Variants in SNAP91 observed in about 807,000 individuals in gnomAD.
The protein encoded by SNAP91 is synaptosome associated protein 91.
Under a neutral mutation model 100.3 loss-of-function variants are expected in SNAP91, and 27 were observed. The observed-to-expected ratio is 0.27, with a 90% confidence interval of 0.20 to 0.37. The LOEUF (loss-of-function observed/expected upper bound fraction) is 0.37, where lower values mean the gene tolerates loss of function less well. Among genes scored for constraint, SNAP91 ranks in the 10% least tolerant of loss-of-function variants. SNAP91 has a pLI of 1.00. For synonymous variants in SNAP91, 404 were observed against 398.6 expected, an observed-to-expected ratio of 1.01 and a Z score of -0.16; for missense variants, 986 against 1,123.7, an observed-to-expected ratio of 0.88 and a Z score of 1.75.
At chr6:83,699,207 T>C (rs1035740494) in intron 2 of SNAP91, among the ~76,000 whole-genome samples, 1 of 152,148 alleles carries the variant, frequency 6.6e-6, no homozygotes, top group African/African-American at 2.4e-5. Flanking sequence ...GGAATCATGA[T>C]TGAACATCAG....
chr6:83,662,090 T>TA (rs2098553899), intron 4 of SNAP91, among the ~76,000 whole-genome samples: 1 of 152,090 alleles, frequency 6.6e-6, no homozygotes, highest in South Asian at 2.1e-4. Flanking sequence ...TGTACCTTCA[T>TA]AAAAAACAAC....
At chr6:83,577,214 G>A (rs937189978) in intron 24 of SNAP91, among the ~76,000 whole-genome samples, 9 of 152,056 alleles carry the variant, frequency 5.9e-5, no homozygotes, top group Non-Finnish European at 1.2e-4. Flanking sequence ...CAGGACAACA[G>A]CCCTAATCAG....
In SNAP91 at chr6:83,587,220, C is replaced by A. The variant is rs572911764; in HGVS notation, c.2014+3991G>T. On this transcript the variant is annotated intron_variant, in intron 22 of 29. Coordinates refer to ENST00000369694, the MANE Select transcript of SNAP91 (RefSeq NM_001242792.2). Reference sequence around the variant, plus strand: ...ATTTAATTATATCATATATTTATTGCCTTATCTTTATGATTCACATGTAAA... The same window carrying A: ...ATTTAATTATATCATATATTTATTGACTTATCTTTATGATTCACATGTAAA... Among the ~76,000 whole-genome samples, 7 of 152,012 alleles carry A rather than the reference C, an allele frequency of 4.6e-5. No homozygotes were observed. The South Asian group carries it at 6.2e-4, about 14-fold the overall frequency.
intron 14 of SNAP91, among the ~76,000 whole-genome samples, chr6:83,603,594 A>G (rs2095423926): frequency 6.6e-6 from 1 of 152,124 alleles, no homozygotes; most frequent in Non-Finnish European, 1.5e-5. Flanking sequence ...TTTGAAAATA[A>G]AATAAAAGCT....
rs1364682344 is a variant in SNAP91 at position 83,685,295 on chromosome 6, T to TG, written c.131-19715dup. 3.3e-5 allele frequency among the ~76,000 whole-genome samples: 5 copies of TG among 152,220 alleles called. No homozygotes were observed. In the East Asian group the frequency reaches 7.7e-4, roughly 24 times the overall value. ...CAGGGGTCCAGGCCTCCTTCCATAATGGAAAAAATCCTGCTTCTGGCAAAA... is the reference window on the plus strand; with the variant it reads ...CAGGGGTCCAGGCCTCCTTCCATAATGGGAAAAAATCCTGCTTCTGGCAAAA... On this transcript the variant is annotated intron_variant, in intron 2 of 29. Transcript: ENST00000369694.
intron 22 of SNAP91, among the ~76,000 whole-genome samples, chr6:83,586,476 A>T (rs534673020): frequency 2.0e-5 from 3 of 152,326 alleles, no homozygotes; most frequent in Admixed American, 2.0e-4. Context: ...TATGATGGAA[A>T]AACATGGTTG....
chr6:83,589,382 A>G (rs756267798), intron 22 of SNAP91, among the ~76,000 whole-genome samples: 5 of 152,226 alleles, frequency 3.3e-5, no homozygotes, highest in Non-Finnish European at 7.3e-5. Flanking sequence ...TAGTGAGAAT[A>G]TGATTTCCTT....
At chr6:83,647,568 T>A (rs1234086751) in intron 7 of SNAP91, among the ~76,000 whole-genome samples, 1 of 152,190 alleles carries the variant, frequency 6.6e-6, no homozygotes, top group Admixed American at 6.5e-5. Flanking sequence ...TTTTTATACA[T>A]TGTTGGATTT....
At chr6:83,666,746 T>A (rs1222661201) in intron 2 of SNAP91, among the ~76,000 whole-genome samples, 1 of 152,098 alleles carries the variant, frequency 6.6e-6, no homozygotes, top group African/African-American at 2.4e-5. Flanking sequence ...GATTTTAAAT[T>A]TCTGTCATCA....
chr6:83,571,665 A>G (rs1388267860), intron 26 of SNAP91, among the ~76,000 whole-genome samples: 1 of 152,174 alleles, frequency 6.6e-6, no homozygotes, highest in East Asian at 1.9e-4. Flanking sequence ...GTCTCAGATG[A>G]GACTCTGGAC....
chr6:83,630,802 A>G (rs944177634), intron 8 of SNAP91, among the ~76,000 whole-genome samples: 1 of 145,658 alleles, frequency 6.9e-6, no homozygotes, highest in African/African-American at 2.5e-5. Context: ...TTTTTGTTTC[A>G]TTTATCTTCT....
chr6:83,703,448 A>G (rs1250898498), intron 2 of SNAP91, among the ~76,000 whole-genome samples: 2 of 152,172 alleles, frequency 1.3e-5, no homozygotes, highest in Non-Finnish European at 2.9e-5. Context: ...TACTAAGCAC[A>G]TTTATGCAAA....
intron 28 of SNAP91, among the ~76,000 whole-genome samples, chr6:83,556,684 C>T (rs1315390899): frequency 6.6e-6 from 1 of 152,094 alleles, no homozygotes; most frequent in Non-Finnish European, 1.5e-5. Flanking sequence ...AACAAACAAC[C>T]GTTTTCTCTA....
chr6:83,674,812 TA>T (rs2098838017), intron 2 of SNAP91, among the ~76,000 whole-genome samples: 1 of 152,282 alleles, frequency 6.6e-6, no homozygotes, highest in Admixed American at 6.5e-5. Flanking sequence ...AACAATTTTA[TA>T]AAATATAAAT....
intron 2 of SNAP91, among the ~76,000 whole-genome samples, chr6:83,666,903 GTGTTCAGAATAGATGTATATT>G (rs1313832177): frequency 6.6e-6 from 1 of 151,964 alleles, no homozygotes; most frequent in Non-Finnish European, 1.5e-5. Flanking sequence ...TTCCTGCTGG[GTGTTCAGAATAGATGTATATT>G]TGTCATAATT....
chr6:83,611,519 A>G, intron 11 of SNAP91: 1 of 449,900 alleles, frequency 2.2e-6, no homozygotes, highest in South Asian at 1.6e-5. Flanking sequence ...GCCTATATTC[A>G]CCGCCTTACT....
chr6:83,643,040 GT>G (rs199794640), intron 7 of SNAP91, among the ~76,000 whole-genome samples: 4,114 of 152,126 alleles, frequency 0.027, 169 homozygotes, highest in African/African-American at 0.092. Flanking sequence ...TGGTGTTTTT[GT>G]TTTTTTCTTG....
At chr6:83,702,256 T>C (rs2129053522) in intron 2 of SNAP91, among the ~76,000 whole-genome samples, 1 of 152,284 alleles carries the variant, frequency 6.6e-6, no homozygotes, top group Non-Finnish European at 1.5e-5. Flanking sequence ...TCACTTAAAA[T>C]ACAACTCTGT....
In SNAP91 at chr6:83,607,740, C is replaced by A; in HGVS notation, c.981G>T (p.Pro327=). The A allele has an allele frequency of 6.3e-7, 1 of 1,594,336 alleles. No homozygotes were observed. Among genetic ancestry groups the A allele is most frequent in the East Asian group, 2.3e-5 (1 of 44,290 alleles). The change falls in exon 13 of 30, where the codon CCG becomes CCT. Residue 327 remains proline (P), a synonymous_variant. Coordinates refer to ENST00000369694, the MANE Select transcript of SNAP91 (RefSeq NM_001242792.2). The part of the protein sequence containing the change: ...TPAKTIDTSP[P]VDLFATASAA... ...CAGATGCAGTTGCAAATAAATCAAC[C>A]GGTGGGGATGTGTCAATAGTTTTAG...
Sources: allele counts gnomAD v4.1 joint callset (sites outside exome capture counted in the v4.1 genomes callset), GRCh38; gene constraint gnomAD v4.1.1; transcripts MANE v1.5; gene names NCBI Gene and HGNC (gene_info 2026-07-23, HGNC 2026-07-21).